SLC16A2: variants seen among roughly 807,000 people sequenced by gnomAD.
SLC16A2 encodes the protein solute carrier family 16 member 2, also known as monocarboxylate transporter 8.
In SLC16A2, 3 loss-of-function variants were observed where a neutral mutation model predicts 27.2. The observed-to-expected ratio is 0.11, with a 90% confidence interval of 0.05 to 0.28. The LOEUF (loss-of-function observed/expected upper bound fraction) is 0.28. SLC16A2 is among the 10% of genes least tolerant of loss of function. SLC16A2 has a pLI of 1.00. For synonymous variants in SLC16A2, 202 were observed against 187.8 expected, an observed-to-expected ratio of 1.08 and a Z score of -0.62; for missense variants, 295 against 458.5, an observed-to-expected ratio of 0.64 and a Z score of 3.26.
At chrX:74,513,669 T>C (rs1008428934) in intron 1 of SLC16A2, among the ~76,000 whole-genome samples, 2 of 112,099 alleles carry the variant, frequency 1.8e-5, no homozygotes, top group African/African-American at 6.5e-5. Context: ...ACTTCTCTTA[T>C]ATAACGCTAT....
chrX:74,489,259 A>AT (rs1054054234), intron 1 of SLC16A2, among the ~76,000 whole-genome samples: 9 of 111,560 alleles, frequency 8.1e-5, no homozygotes, highest in African/African-American at 2.6e-4. Flanking sequence ...ATATAAGGGT[A>AT]TTTTTTACCA....
chrX:74,501,200 A>G (rs981545757), intron 1 of SLC16A2, among the ~76,000 whole-genome samples: 5 of 111,341 alleles, frequency 4.5e-5, no homozygotes, highest in African/African-American at 1.6e-4. Flanking sequence ...AAATGGTAAT[A>G]TAAATGGTAA....
intron 1 of SLC16A2, among the ~76,000 whole-genome samples, chrX:74,509,779 G>A (rs1602137292): frequency 1.8e-5 from 2 of 111,658 alleles, no homozygotes; most frequent in South Asian, 3.8e-4. Flanking sequence ...TGTTGGCCAC[G>A]CTGGCTTGAA....
At chrX:74,461,454 G>T (rs1191806866) in intron 1 of SLC16A2, among the ~76,000 whole-genome samples, 1 of 110,200 alleles carries the variant, frequency 9.1e-6, no homozygotes, top group Non-Finnish European at 1.9e-5. Context: ...GTGTCTGTCT[G>T]TGAAAAAGAG....
chrX:74,490,110 T>C (rs1247536221), intron 1 of SLC16A2, among the ~76,000 whole-genome samples: 2 of 110,055 alleles, frequency 1.8e-5, no homozygotes, highest in Admixed American at 9.8e-5. Context: ...TAGTGGTTGT[T>C]ATCTCAGTAG....
chrX:74,427,784 A>G (rs5937814), intron 1 of SLC16A2, among the ~76,000 whole-genome samples: 1 of 106,706 alleles, frequency 9.4e-6, no homozygotes, highest in African/African-American at 3.4e-5. Context: ...CATGTGCGCA[A>G]GCGCATGCGC....
intron 3 of SLC16A2, among the ~76,000 whole-genome samples, chrX:74,525,011 A>G (rs887996404): frequency 2.7e-5 from 3 of 111,694 alleles, no homozygotes; most frequent in Non-Finnish European, 5.6e-5. Flanking sequence ...AATGGGGGCA[A>G]TTCCACAGGG....
chrX:74,514,529 T>A (rs1388878545), intron 1 of SLC16A2, among the ~76,000 whole-genome samples: 3 of 111,018 alleles, frequency 2.7e-5, no homozygotes, highest in Non-Finnish European at 5.7e-5. Context: ...TTTCTTCCCC[T>A]CTCAGCAGTA....
At chrX:74,462,296 CAG>C (rs942969417) in intron 1 of SLC16A2, among the ~76,000 whole-genome samples, 4 of 111,666 alleles carry the variant, frequency 3.6e-5, no homozygotes, top group Non-Finnish European at 7.5e-5. Context: ...GTGTTTCACC[CAG>C]AGTTTTTGGT....
chrX:74,493,864 G>A (rs184915127), intron 1 of SLC16A2, among the ~76,000 whole-genome samples: 1 of 111,569 alleles, frequency 9.0e-6, no homozygotes, highest in African/African-American at 3.3e-5. Flanking sequence ...AGTGGGGGTT[G>A]TGAGGACCTT....
intron 1 of SLC16A2, among the ~76,000 whole-genome samples, chrX:74,438,112 G>A (rs1308989708): frequency 8.9e-6 from 1 of 112,389 alleles, no homozygotes; most frequent in African/African-American, 3.2e-5. Flanking sequence ...ACTCTCCTTT[G>A]CCTCACTTTT....
At chrX:74,500,589 C>G (rs1930014004) in intron 1 of SLC16A2, among the ~76,000 whole-genome samples, 1 of 111,283 alleles carries the variant, frequency 9.0e-6, no homozygotes, top group African/African-American at 3.3e-5. Context: ...TCCATTGTAT[C>G]ATTCTCATGC....
chrX:74,460,801 C>T (rs764210479), intron 1 of SLC16A2, among the ~76,000 whole-genome samples: 92 of 111,235 alleles, frequency 8.3e-4, no homozygotes, highest in African/African-American at 2.9e-3. Context: ...CAGGCGCCCA[C>T]CACCAAGCCC....
At position 74,482,123 on chromosome X, in the gene SLC16A2, C is replaced by G. The variant is rs781595786; in HGVS notation, c.431-38867C>G. 2.5e-3 allele frequency among the ~76,000 whole-genome samples: 282 copies of G among 111,252 alleles called. 1 individual carries two copies. Among genetic ancestry groups the G allele is most frequent in the Non-Finnish European group, 4.7e-3 (248 of 53,006 alleles). On this transcript the variant is annotated intron_variant, in intron 1 of 5. Coordinates refer to ENST00000587091, the MANE Select transcript of SLC16A2 (RefSeq NM_006517.5). ...TCATCATTTTGAATATGTCATTCCT[C>G]TATGTCTTTTAGCTTCTATTCTTTC...
chrX:74,524,080 T>A (rs906132669), intron 2 of SLC16A2, among the ~76,000 whole-genome samples: 6 of 111,769 alleles, frequency 5.4e-5, no homozygotes, highest in African/African-American at 1.6e-4. Flanking sequence ...TGGGGTGCTA[T>A]GAGTCATGCT....
At chrX:74,482,694 C>T (rs1299672063) in intron 1 of SLC16A2, among the ~76,000 whole-genome samples, 7 of 110,535 alleles carry the variant, frequency 6.3e-5, no homozygotes, top group Non-Finnish European at 1.3e-4. Flanking sequence ...CTCACAAATT[C>T]TTTTAGTTGT....
intron 1 of SLC16A2, among the ~76,000 whole-genome samples, chrX:74,439,390 G>A (rs1421479681): frequency 2.0e-5 from 2 of 101,032 alleles, no homozygotes; most frequent in Non-Finnish European, 4.0e-5. Context: ...GTTCACTGCA[G>A]CCTTGATCAC....
intron 1 of SLC16A2, among the ~76,000 whole-genome samples, chrX:74,492,832 C>G (rs1569294516): frequency 9.0e-6 from 1 of 111,172 alleles, no homozygotes; most frequent in Non-Finnish European, 1.9e-5. Context: ...TTAGAGAGCT[C>G]AGGAAATTGG....
intron 1 of SLC16A2, among the ~76,000 whole-genome samples, chrX:74,476,382 G>A (rs867923372): frequency 4.5e-4 from 50 of 112,041 alleles, no homozygotes; most frequent in African/African-American, 1.5e-3. Context: ...TTTGGTCTGA[G>A]ACAATGGGAT....
Sources: gnomAD v4.1 joint callset for allele counts (sites outside exome capture counted in the v4.1 genomes callset) on GRCh38, gnomAD v4.1.1 for gene constraint, MANE v1.5 for transcripts, NCBI Gene and HGNC (gene_info 2026-07-23, HGNC 2026-07-21) for gene names.